The following LTBP1 variants were observed in gnomAD, a reference collection of about 807,000 sequenced individuals.
LTBP1 encodes the protein latent-transforming growth factor beta-binding protein 1.
In LTBP1, 129 loss-of-function variants were observed where a neutral mutation model predicts 207.6. The observed-to-expected ratio is 0.62, with a 90% CI of 0.54 to 0.72. LTBP1 has a LOEUF of 0.72. Among genes scored for constraint, LTBP1 ranks in the 30% least tolerant of loss-of-function variants. The probability of loss-of-function intolerance (pLI) is 0.00; values close to 1 mark genes in which losing one functional copy is unlikely to be tolerated. For synonymous variants in LTBP1, 963 were observed against 833.7 expected (o/e 1.16, Z -2.67); for missense variants, 2,281 against 2,217.2 (o/e 1.03, Z -0.58).
intron 2 of LTBP1, among the ~76,000 whole-genome samples, chr2:32,957,729 TG>T (rs1304022909): frequency 3.3e-5 from 5 of 152,230 alleles, no homozygotes; most frequent in African/African-American, 1.2e-4. Context: ...ACTTGCTGCA[TG>T]CAAGGTTGTT....
chr2:33,287,250 T>C (rs1188977819), intron 19 of LTBP1, among the ~76,000 whole-genome samples: 1 of 152,204 alleles, frequency 6.6e-6, no homozygotes, highest in African/African-American at 2.4e-5. Flanking sequence ...ATCTCTGTAG[T>C]ACAAGTGTGG....
intron 3 of LTBP1, among the ~76,000 whole-genome samples, chr2:33,042,211 T>C (rs557834859): frequency 6.6e-6 from 1 of 152,374 alleles, no homozygotes; most frequent in East Asian, 1.9e-4. Context: ...TTTTCTTACT[T>C]GTTGATATGA....
chr2:33,037,994 C>T (rs775419409), intron 3 of LTBP1, among the ~76,000 whole-genome samples: 23 of 152,234 alleles, frequency 1.5e-4, no homozygotes, highest in Admixed American at 5.2e-4. Context: ...GCTGGGCTTA[C>T]AGGGCATGAG....
Position 33,389,293 on chromosome 2 carries a change from C to T in LTBP1, c.4821C>T (p.Tyr1607=), listed in dbSNP as rs2095295130. Residue 1607 remains tyrosine (Y), a synonymous_variant, in exon 32 of 34, where the codon TAC becomes TAT. Coordinates refer to ENST00000404816, the MANE Select transcript of LTBP1 (RefSeq NM_206943.4). ...AGTATACTCCAGAAGCCGATCCCTA[C>T]TTCATCCAAGACCGTAAGCAAAATA... ...SEQYTPEADP[Y]FIQDRFLNSF... is the part of the protein sequence containing the mutation. 2 of 1,614,226 alleles carry T rather than the reference C, an allele frequency of 1.2e-6. No individual in the cohort carries two copies. The highest frequency in any genetic ancestry group is 1.7e-4 in the Middle Eastern group (1 of 6,060).
chr2:33,079,479 A>G (rs1430351847), intron 3 of LTBP1, among the ~76,000 whole-genome samples: 1 of 152,226 alleles, frequency 6.6e-6, no homozygotes, highest in Non-Finnish European at 1.5e-5. Flanking sequence ...TACAGAATTA[A>G]TATTAGGAAA....
chr2:33,083,214 G>T (rs17397149), intron 3 of LTBP1, among the ~76,000 whole-genome samples: 1 of 151,800 alleles, frequency 6.6e-6, no homozygotes, highest in African/African-American at 2.4e-5. Context: ...GCTTAGTCAG[G>T]ATCATTTGTA....
chr2:33,263,075 G>A (rs1325088207), intron 14 of LTBP1, among the ~76,000 whole-genome samples: 3 of 151,884 alleles, frequency 2.0e-5, no homozygotes, highest in African/African-American at 7.3e-5. Context: ...ATTATTGAAG[G>A]TTATCATTTG....
intron 16 of LTBP1, among the ~76,000 whole-genome samples, 185 bp downstream of exon 16, chr2:33,273,966 T>A (rs1245126349): frequency 6.6e-6 from 1 of 152,224 alleles, no homozygotes; most frequent in Non-Finnish European, 1.5e-5. Context: ...TCTTACCTCT[T>A]TGTTCAACAT....
At chr2:33,074,183 G>A (rs534239462) in intron 3 of LTBP1, among the ~76,000 whole-genome samples, 7 of 152,314 alleles carry the variant, frequency 4.6e-5, no homozygotes, top group South Asian at 4.1e-4. Flanking sequence ...CGTATATGTT[G>A]TCCTGAACTA....
At chr2:33,318,616 A>C (rs899029263) in intron 24 of LTBP1, among the ~76,000 whole-genome samples, 2 of 152,182 alleles carry the variant, frequency 1.3e-5, no homozygotes, top group African/African-American at 4.8e-5. Flanking sequence ...AGATGTCAGG[A>C]AATTGCAGGG....
intron 2 of LTBP1, among the ~76,000 whole-genome samples, chr2:32,972,508 C>T (rs1416832305): frequency 6.6e-6 from 1 of 151,994 alleles, no homozygotes; most frequent in Non-Finnish European, 1.5e-5. Context: ...TTCTTGATTT[C>T]TGACTTAATT....
At chr2:32,957,387 G>A (rs1179428310) in intron 2 of LTBP1, among the ~76,000 whole-genome samples, 2 of 152,114 alleles carry the variant, frequency 1.3e-5, no homozygotes, top group African/African-American at 2.4e-5. Context: ...AGCCCTTAGA[G>A]GCCATTGTAG....
chr2:33,350,302 A>T (rs2094763130), intron 26 of LTBP1, among the ~76,000 whole-genome samples: 2 of 152,156 alleles, frequency 1.3e-5, no homozygotes, highest in South Asian at 4.1e-4. Flanking sequence ...TGATAATCTG[A>T]TGTGGTATCA....
At chr2:33,129,522 TA>T (rs1266586904) in intron 4 of LTBP1, among the ~76,000 whole-genome samples, 1 of 151,964 alleles carries the variant, frequency 6.6e-6, no homozygotes, top group East Asian at 1.9e-4. Flanking sequence ...GATTCTTGCA[TA>T]ATATGTTGTG....
intron 5 of LTBP1, among the ~76,000 whole-genome samples, chr2:33,139,439 G>A (rs1349343731): frequency 5.9e-5 from 9 of 152,324 alleles, no homozygotes; most frequent in South Asian, 2.1e-4. Flanking sequence ...AGGAAGAGAT[G>A]AAGGGTATAT....
At chr2:33,137,694 T>TTTTG (rs150599206) in intron 5 of LTBP1, among the ~76,000 whole-genome samples, 2,744 of 151,810 alleles carry the variant, frequency 0.018, 88 homozygotes, top group African/African-American at 0.06. Flanking sequence ...GATTTACAGT[T>TTTTG]TTTGTTTGTT....
intron 24 of LTBP1, chr2:33,317,791 A>C (rs2094294079): frequency 1.3e-5 from 2 of 152,320 alleles, no homozygotes; most frequent in Admixed American, 6.5e-5. Context: ...TGAAGGAAGG[A>C]GGGCCCTTCC....
intron 2 of LTBP1, among the ~76,000 whole-genome samples, chr2:33,006,976 TC>T (rs1396343352): frequency 2.0e-5 from 3 of 152,178 alleles, no homozygotes; most frequent in Non-Finnish European, 4.4e-5. Flanking sequence ...CATGTCAAAG[TC>T]TAATTACTGT....
intron 4 of LTBP1, among the ~76,000 whole-genome samples, chr2:33,130,431 T>C (rs1281479867): frequency 6.6e-6 from 1 of 152,262 alleles, no homozygotes; most frequent in African/African-American, 2.4e-5. Flanking sequence ...GTCTTGAACT[T>C]GTTACATTTA....
Sources: allele counts gnomAD v4.1 joint callset (sites outside exome capture counted in the v4.1 genomes callset), GRCh38; gene constraint gnomAD v4.1.1; transcripts MANE v1.5; gene names NCBI Gene and HGNC (gene_info 2026-07-23, HGNC 2026-07-21).